The following NXPE4 variants were observed in gnomAD, a reference collection of about 807,000 sequenced individuals.
The protein encoded by NXPE4 is neurexophilin and PC-esterase domain family member 4.
Under a neutral mutation model 33.3 loss-of-function variants are expected in NXPE4, and 42 were observed. The observed-to-expected ratio is 1.26, with a 90% confidence interval of 0.98 to 1.63. The LOEUF (loss-of-function observed/expected upper bound fraction) is 1.63, where lower values mean the gene tolerates loss of function less well. Among genes scored for constraint, NXPE4 ranks in the 40% most tolerant of loss-of-function variants. The pLI is 0.00. For missense variants in NXPE4, 709 were observed against 647.6 expected (o/e 1.09, Z -1.03); for synonymous variants, 253 against 234.9 (o/e 1.08, Z -0.71).
At chr11:114,642,724 A>G in the NXPE4 span, among the ~76,000 whole-genome samples, 291 of 152,124 alleles carry the variant, frequency 1.9e-3, 2 homozygotes, top group African/African-American at 5.6e-3. Flanking sequence ...CAATATACAT[A>G]TGTGTGCATG....
chr11:114,642,014 A>G, the NXPE4 span, among the ~76,000 whole-genome samples: 4 of 152,084 alleles, frequency 2.6e-5, no homozygotes. Flanking sequence ...AACCCAAATA[A>G]AAAAGTAATT....
chr11:114,641,292 A>AG, the NXPE4 span, among the ~76,000 whole-genome samples: 1 of 152,058 alleles, frequency 6.6e-6, no homozygotes, highest in Non-Finnish European at 1.5e-5. Flanking sequence ...AATTCCAGAA[A>AG]GGTAGTGTAA....
the NXPE4 span, among the ~76,000 whole-genome samples, chr11:114,647,407 T>C: frequency 6.6e-6 from 1 of 152,192 alleles, no homozygotes; most frequent in Non-Finnish European, 1.5e-5. Context: ...AAAAGTTTGA[T>C]AGCTGTCACT....
In NXPE4 at chr11:114,571,362, C is replaced by A. The variant is rs558151335; in HGVS notation, c.1211G>T (p.Gly404Val). 7 of 1,613,862 alleles carry A rather than the reference C, an allele frequency of 4.3e-6. No individual in the cohort carries two copies. Among genetic ancestry groups the A allele is most frequent in the South Asian group, 1.1e-5 (1 of 91,082 alleles). Residue 404 changes from glycine (G) to valine (V), a missense_variant, in exon 6 of 6, where the codon GGA becomes GTA. Transcript: ENST00000375478. ...QWQKYCYPLI[G>V]SMTYSVKEME... The stretch of plus-strand genomic sequence containing the variant: ...CTCTTTGACTGAATAGGTCATTGAT[C>A]CTATCAAGGGATAACAATATTTTTG...
rs748664367 is a variant in NXPE4 at position 114,582,406 on chromosome 11, G to A, written c.712C>T (p.Gln238Ter). The change falls in exon 3 of 6, where the codon CAA becomes TAA. Residue 238 changes from glutamine (Q) to a stop codon, truncating the protein, a stop_gained. Transcript: ENST00000375478. LOFTEE classifies it high-confidence loss of function. Reference protein sequence around the residue: ...ELCQYLDNRDQEGFYCVRPQH... With the variant: ...ELCQYLDNRD The stretch of plus-strand genomic sequence containing the variant: ...GGCCTCACACAGTAGAAGCCTTCTT[G>A]GTCTCTGTTGTCCAGGTACTGGCAC... 4.3e-6 allele frequency: 7 copies of A among 1,614,038 alleles called. No individual in the cohort carries two copies. The African/African-American group carries it at 5.3e-5, about 12-fold the overall frequency.
chr11:114,625,424 T>G, the NXPE4 span, among the ~76,000 whole-genome samples: 1 of 152,148 alleles, frequency 6.6e-6, no homozygotes, highest in African/African-American at 2.4e-5. Flanking sequence ...CAACCACTTC[T>G]ACCACATGGA....
intron 2 of NXPE4, among the ~76,000 whole-genome samples, chr11:114,589,485 TG>T (rs1483479671): frequency 4.6e-5 from 7 of 152,220 alleles, no homozygotes; most frequent in Non-Finnish European, 8.8e-5. Flanking sequence ...TAGGTGCAGT[TG>T]GGGGGACATA....
At chr11:114,637,140 G>A in the NXPE4 span, among the ~76,000 whole-genome samples, 5 of 151,616 alleles carry the variant, frequency 3.3e-5, no homozygotes, top group South Asian at 2.1e-4. Flanking sequence ...TATGAATCTA[G>A]GTGCTCCTGT....
chr11:114,585,378 C>T (rs1375015824), intron 2 of NXPE4, among the ~76,000 whole-genome samples: 1 of 152,026 alleles, frequency 6.6e-6, no homozygotes, highest in Non-Finnish European at 1.5e-5. Context: ...TATCCTTCTG[C>T]AAGAGATTCA....
At chr11:114,602,824 AATT>A in the NXPE4 span, among the ~76,000 whole-genome samples, 2 of 146,796 alleles carry the variant, frequency 1.4e-5, no homozygotes, top group African/African-American at 2.5e-5. Context: ...CATATATAAT[AATT>A]ATCTCATATA....
At chr11:114,610,192 G>A in the NXPE4 span, among the ~76,000 whole-genome samples, 5 of 151,510 alleles carry the variant, frequency 3.3e-5, no homozygotes, top group South Asian at 2.1e-4. Flanking sequence ...GTATTGCCAC[G>A]TGGGTAGCCA....
At chr11:114,622,338 A>G in the NXPE4 span, among the ~76,000 whole-genome samples, 1 of 151,984 alleles carries the variant, frequency 6.6e-6, no homozygotes, top group Non-Finnish European at 1.5e-5. Context: ...CCAATGCATC[A>G]TAAGTGTTGC....
chr11:114,647,457 G>A, the NXPE4 span, among the ~76,000 whole-genome samples: 1 of 152,020 alleles, frequency 6.6e-6, no homozygotes, highest in Non-Finnish European at 1.5e-5. Context: ...TATTTAAAGG[G>A]GGACAAAGTC....
chr11:114,614,082 A>G, the NXPE4 span, among the ~76,000 whole-genome samples: 7 of 142,210 alleles, frequency 4.9e-5, no homozygotes, highest in Non-Finnish European at 9.3e-5. Flanking sequence ...ATAACCACTG[A>G]TACCTGGTTT....
chr11:114,585,720 G>C (rs1474666919), intron 2 of NXPE4, among the ~76,000 whole-genome samples: 1 of 152,066 alleles, frequency 6.6e-6, no homozygotes, highest in South Asian at 2.1e-4. Flanking sequence ...AGGAGTCCTT[G>C]GCAAGGCTTC....
chr11:114,612,289 G>A, the NXPE4 span, among the ~76,000 whole-genome samples: 1 of 151,852 alleles, frequency 6.6e-6, no homozygotes, highest in South Asian at 2.1e-4. Flanking sequence ...TTACCCGTTG[G>A]ATAATAAGTA....
chr11:114,623,834 T>C, the NXPE4 span, among the ~76,000 whole-genome samples: 1 of 150,772 alleles, frequency 6.6e-6, no homozygotes. Flanking sequence ...CACTGTTACC[T>C]GGTGGATAAT....
chr11:114,608,971 G>A, the NXPE4 span, among the ~76,000 whole-genome samples: 1 of 151,894 alleles, frequency 6.6e-6, no homozygotes, highest in Non-Finnish European at 1.5e-5. Flanking sequence ...AATAAGTGTT[G>A]CCTCGTGGGT....
intron 2 of NXPE4, among the ~76,000 whole-genome samples, chr11:114,589,353 A>G (rs1314891225): frequency 1.3e-5 from 2 of 151,848 alleles, no homozygotes; most frequent in African/African-American, 4.8e-5. Context: ...AGGAAGGTGG[A>G]CCTCCTTCTG....
Sources: allele counts gnomAD v4.1 joint callset (sites outside exome capture counted in the v4.1 genomes callset), GRCh38; gene constraint gnomAD v4.1.1; transcripts MANE v1.5; gene names NCBI Gene and HGNC (gene_info 2026-07-23, HGNC 2026-07-21).